The following EPHA5 variants were observed in gnomAD, a reference collection of about 807,000 sequenced individuals.
EPHA5 encodes ephrin type-A receptor 5.
A neutral mutation model predicts 105.0 loss-of-function variants in EPHA5; 60 were observed. That is an observed-to-expected ratio of 0.57 (90% CI 0.46 to 0.71). The LOEUF (loss-of-function observed/expected upper bound fraction) is 0.71, where lower values mean the gene tolerates loss of function less well. EPHA5 is among the 30% of genes least tolerant of loss of function. The probability of loss-of-function intolerance (pLI) is 0.00; values close to 1 mark genes in which losing one functional copy is unlikely to be tolerated. For synonymous variants in EPHA5, 513 were observed against 449.1 expected (o/e 1.14, Z -1.80); for missense variants, 1,218 against 1,274.7 (o/e 0.96, Z 0.68).
intron 3 of EPHA5, among the ~76,000 whole-genome samples, chr4:65,529,338 C>A (rs1735542406): frequency 6.6e-6 from 1 of 152,010 alleles, no homozygotes. Context: ...GATCTACTAA[C>A]CTTAATATAA....
In EPHA5 at chr4:65,419,571, G is replaced by A. The variant is rs115935565; in HGVS notation, c.1527+870C>T. Among the ~76,000 whole-genome samples, 706 of 152,206 alleles carry A rather than the reference G, an allele frequency of 4.6e-3. 13 individuals are homozygous for A. The highest frequency in any genetic ancestry group is 0.017 in the African/African-American group (689 of 41,526). On this transcript the variant is annotated intron_variant, in intron 6 of 16. Transcript: ENST00000613740. ...TCTCCAACCCACTTCTCAAAGGCTGGTTTGGGTACCCATCTATCTTTAGCT... is the reference window on the plus strand; with the variant it reads ...TCTCCAACCCACTTCTCAAAGGCTGATTTGGGTACCCATCTATCTTTAGCT...
At chr4:65,491,133 G>A (rs1441924400) in intron 4 of EPHA5, among the ~76,000 whole-genome samples, 1 of 150,246 alleles carries the variant, frequency 6.7e-6, no homozygotes, top group Admixed American at 6.7e-5. Context: ...AACAAGCATA[G>A]GAAAATACAG....
intron 3 of EPHA5, among the ~76,000 whole-genome samples, chr4:65,598,231 C>G (rs539842866): frequency 7.2e-5 from 11 of 152,106 alleles, no homozygotes; most frequent in African/African-American, 2.7e-4. Context: ...ATGTGAAGTA[C>G]CAATCACATA....
chr4:65,553,642 G>A (rs752025642), intron 3 of EPHA5, among the ~76,000 whole-genome samples: 1 of 152,012 alleles, frequency 6.6e-6, no homozygotes, highest in Non-Finnish European at 1.5e-5. Flanking sequence ...TATGTGTGAA[G>A]AAATGCGGAT....
chr4:65,443,958 C>T (rs1358986136), intron 5 of EPHA5, among the ~76,000 whole-genome samples: 1 of 151,888 alleles, frequency 6.6e-6, no homozygotes, highest in Non-Finnish European at 1.5e-5. Flanking sequence ...CACATGCGCA[C>T]TGGGGGTACA....
chr4:65,416,574 A>T (rs1350670573), intron 6 of EPHA5, among the ~76,000 whole-genome samples: 1 of 152,176 alleles, frequency 6.6e-6, no homozygotes, highest in Non-Finnish European at 1.5e-5. Context: ...TTGTAAAAAT[A>T]TTAGAAATTG....
At chr4:65,465,549 AGGAAGGAAAGGAAG>A (rs1728626181) in intron 5 of EPHA5, among the ~76,000 whole-genome samples, 20 of 79,896 alleles carry the variant, frequency 2.5e-4, no homozygotes, top group African/African-American at 7.3e-4. Flanking sequence ...AAGGAAGGAA[AGGAAGGAAAGGAAG>A]GAAAGGAAGG....
chr4:65,529,031 G>T (rs898088328), intron 3 of EPHA5, among the ~76,000 whole-genome samples: 1 of 152,094 alleles, frequency 6.6e-6, no homozygotes, highest in Non-Finnish European at 1.5e-5. Flanking sequence ...AGGTTTTAGA[G>T]TGTTTAAAAA....
At chr4:65,491,137 A>C (rs1045139410) in intron 4 of EPHA5, among the ~76,000 whole-genome samples, 6 of 152,052 alleles carry the variant, frequency 3.9e-5, no homozygotes, top group African/African-American at 1.4e-4. Flanking sequence ...AGCATAGGAA[A>C]ATACAGAATT....
At chr4:65,409,346 A>AAAAAAAATAAATAAATAAAT (rs1553910972) in intron 7 of EPHA5, among the ~76,000 whole-genome samples, 1 of 134,212 alleles carries the variant, frequency 7.5e-6, no homozygotes, top group Non-Finnish European at 1.6e-5. Flanking sequence ...ATAATAATAA[A>AAAAAAAATAAATAAATAAAT]AAATAAATAA....
At chr4:65,384,786 C>T (rs1719919982) in intron 8 of EPHA5, among the ~76,000 whole-genome samples, 1 of 151,852 alleles carries the variant, frequency 6.6e-6, no homozygotes. Context: ...AATCAACGAC[C>T]ATCTTATTTC....
chr4:65,485,449 C>A (rs1319248022), intron 5 of EPHA5, among the ~76,000 whole-genome samples: 1 of 151,988 alleles, frequency 6.6e-6, no homozygotes, highest in Non-Finnish European at 1.5e-5. Context: ...TAAATTTGAA[C>A]CAATTCTAGT....
intron 5 of EPHA5, among the ~76,000 whole-genome samples, chr4:65,487,528 C>A (rs1353180106): frequency 6.6e-6 from 1 of 152,100 alleles, no homozygotes; most frequent in Non-Finnish European, 1.5e-5. Context: ...TATTTTAAGA[C>A]CTTTGATTGG....
chr4:65,450,430 C>T (rs1455318357), intron 5 of EPHA5, among the ~76,000 whole-genome samples: 1 of 152,042 alleles, frequency 6.6e-6, no homozygotes, highest in Non-Finnish European at 1.5e-5. Context: ...TTTTAAGGTC[C>T]AATGGACCCA....
At chr4:65,466,675 G>A (rs942615588) in intron 5 of EPHA5, among the ~76,000 whole-genome samples, 8 of 152,162 alleles carry the variant, frequency 5.3e-5, no homozygotes, top group Admixed American at 5.2e-4. Flanking sequence ...GCTATATTTA[G>A]GTGTAGAATA....
At chr4:65,340,078 T>C (rs1182404603) in intron 14 of EPHA5, among the ~76,000 whole-genome samples, 1 of 152,182 alleles carries the variant, frequency 6.6e-6, no homozygotes, top group East Asian at 1.9e-4. Flanking sequence ...TATCGTGACA[T>C]GGTATAAATA....
At chr4:65,590,588 A>T (rs1742539269) in intron 3 of EPHA5, among the ~76,000 whole-genome samples, 1 of 152,170 alleles carries the variant, frequency 6.6e-6, no homozygotes, top group Non-Finnish European at 1.5e-5. Context: ...GTTAAATTTA[A>T]AGGCAATAAT....
At chr4:65,394,444 C>T (rs964977810) in intron 8 of EPHA5, among the ~76,000 whole-genome samples, 2 of 152,068 alleles carry the variant, frequency 1.3e-5, no homozygotes, top group Non-Finnish European at 2.9e-5. Context: ...GGACACTTTC[C>T]AAGAGGAAAA....
intron 4 of EPHA5, among the ~76,000 whole-genome samples, chr4:65,494,680 A>T (rs1731741399): frequency 6.6e-6 from 1 of 152,190 alleles, no homozygotes; most frequent in African/African-American, 2.4e-5. Flanking sequence ...CATCTACTCT[A>T]CTTATGATCA....
Sources: gnomAD v4.1 joint callset for allele counts (sites outside exome capture counted in the v4.1 genomes callset) on GRCh38, gnomAD v4.1.1 for gene constraint, MANE v1.5 for transcripts, NCBI Gene and HGNC (gene_info 2026-07-23, HGNC 2026-07-21) for gene names.